The following TLK1 variants were observed in gnomAD, a reference collection of about 807,000 sequenced individuals.
The protein encoded by TLK1 is serine/threonine-protein kinase tousled-like 1.
In TLK1, 24 loss-of-function variants were observed where a neutral mutation model predicts 105.3. The ratio of observed to expected loss-of-function variants is 0.23; its 90% CI spans 0.17 to 0.32. The LOEUF is 0.32. Ranked by LOEUF, TLK1 falls within the 10% of genes least tolerant of loss-of-function variation. The probability of loss-of-function intolerance (pLI) is 1.00; values close to 1 mark genes in which losing one functional copy is unlikely to be tolerated. For missense variants in TLK1, 558 were observed against 910.5 expected (o/e 0.61, Z 4.98); for synonymous variants, 321 against 310.4 (o/e 1.03, Z -0.36).
intron 3 of TLK1, among the ~76,000 whole-genome samples, chr2:171,071,437 G>C (rs977537695): frequency 1.3e-5 from 2 of 152,014 alleles, no homozygotes; most frequent in Non-Finnish European, 2.9e-5. Context: ...ACAGGCACCT[G>C]CCACCATGTC....
chr2:171,202,658 G>A (rs1007537161), intron 1 of TLK1, among the ~76,000 whole-genome samples: 2 of 152,126 alleles, frequency 1.3e-5, no homozygotes, highest in African/African-American at 4.8e-5. Context: ...TTGGGAGGCT[G>A]AGGCAGGATA....
At position 171,160,239 on chromosome 2, in the gene TLK1, G is replaced by A; in HGVS notation, c.139+51C>T. 1 of 1,305,940 alleles carries A rather than the reference G, an allele frequency of 7.7e-7. No homozygotes were observed. The highest frequency in any genetic ancestry group is 3.1e-5 in the East Asian group (1 of 32,252). The allele number at this position is 1,305,940 out of a possible 1,614,324, so 80.9% of individuals were successfully genotyped here. On this transcript the variant is annotated intron_variant, in intron 1 of 20. Coordinates refer to ENST00000431350, the MANE Select transcript of TLK1 (RefSeq NM_012290.5). The surrounding 1 kb of genome is among the most constrained non-coding windows in gnomAD (Gnocchi z 4.4). Reference sequence around the variant, plus strand: ...GGGCGGGGGGGGGGCGCGGGGGTCCGCGGCGCGGGAGAGGAGGCCCGCGAG... The same window carrying A: ...GGGCGGGGGGGGGGCGCGGGGGTCCACGGCGCGGGAGAGGAGGCCCGCGAG...
At chr2:171,200,362 GCAA>G (rs1693374269) in intron 1 of TLK1, among the ~76,000 whole-genome samples, 1 of 152,132 alleles carries the variant, frequency 6.6e-6, no homozygotes, top group African/African-American at 2.4e-5. Flanking sequence ...TTTGGTCTGT[GCAA>G]CAACAATGGT....
chr2:171,145,435 C>A lies in TLK1; in HGVS notation c.139+14855G>T, dbSNP rs372300401. ...TGAAACCCTGTCTCTACTAAAAATA[C>A]AAAAATTAGCTGGGCATGGTGGCGG... On this transcript the variant is annotated intron_variant, in intron 1 of 20. Coordinates refer to ENST00000431350, the MANE Select transcript of TLK1 (RefSeq NM_012290.5). Among the ~76,000 whole-genome samples, 4 of 151,942 alleles carry A rather than the reference C, an allele frequency of 2.6e-5. 1 individual carries two copies. The highest frequency in any genetic ancestry group is 2.0e-4 in the Admixed American group (3 of 15,248).
chr2:171,047,770 G>C (rs1687028659), intron 10 of TLK1, among the ~76,000 whole-genome samples: 1 of 152,078 alleles, frequency 6.6e-6, no homozygotes, highest in South Asian at 2.1e-4. Flanking sequence ...ATTAATAGCT[G>C]ATTACTCAGG....
At chr2:171,193,557 C>T (rs1186550186) in intron 1 of TLK1, among the ~76,000 whole-genome samples, 2 of 151,614 alleles carry the variant, frequency 1.3e-5, no homozygotes, top group Admixed American at 6.6e-5. Flanking sequence ...CCACCACGCC[C>T]GGCTAATTTT....
intron 1 of TLK1, among the ~76,000 whole-genome samples, chr2:171,146,710 C>G (rs1421604727): frequency 6.6e-6 from 1 of 152,204 alleles, no homozygotes; most frequent in Admixed American, 6.5e-5. Context: ...AGCAGTTAAA[C>G]TGGAGGAAAA....
Position 171,036,392 on chromosome 2 carries a change from C to T in TLK1, c.1170-7987G>A, listed in dbSNP as rs555557400. ...ACCCAGAGCGAGACTCTGTCTCCCC[C>T]CCCAAAAAAAGCATAATTTCTAAAA... On this transcript the variant is annotated intron_variant, in intron 11 of 20. Transcript: ENST00000431350. 3.3e-5 allele frequency among the ~76,000 whole-genome samples: 5 copies of T among 151,946 alleles called. No individual in the cohort carries two copies. The East Asian group carries it at 7.7e-4, about 23-fold the overall frequency.
chr2:171,166,461 C>T (rs1692612083), intron 1 of TLK1, among the ~76,000 whole-genome samples: 1 of 152,264 alleles, frequency 6.6e-6, no homozygotes, highest in Non-Finnish European at 1.5e-5. Context: ...CCTTCACACT[C>T]ATCCTTCATT....
upstream of TLK1, among the ~76,000 whole-genome samples, chr2:171,164,253 A>C (rs1452815411): frequency 4.6e-5 from 7 of 152,246 alleles, no homozygotes; most frequent in Admixed American, 4.6e-4. Flanking sequence ...TATTTAAACA[A>C]ACTGCAGCTT....
intron 1 of TLK1, among the ~76,000 whole-genome samples, chr2:171,211,248 A>G (rs1693607318): frequency 6.6e-6 from 1 of 152,146 alleles, no homozygotes; most frequent in African/African-American, 2.4e-5. Context: ...TTAAACAAGC[A>G]TTGTTTTATT....
Position 171,160,524 on chromosome 2 carries a change from G to A in TLK1, c.-96C>T, listed in dbSNP as rs1008531096. On this transcript the variant is annotated 5_prime_UTR_variant, in exon 1 of 21. Transcript: ENST00000431350. The surrounding 1 kb of genome is among the most constrained non-coding windows in gnomAD (Gnocchi z 4.4). ...CCGTCATGGCGGGGGCCGCGCTGAG[G>A]GCGAGCGAGAGAGCGAGGGCTGGGA... is the stretch of plus-strand genomic sequence containing the variant. 6.4e-7 allele frequency: 1 copy of A among 1,557,160 alleles called. No homozygotes were observed. Among genetic ancestry groups the A allele is most frequent in the South Asian group, 1.2e-5 (1 of 85,110 alleles).
intron 19 of TLK1, among the ~76,000 whole-genome samples, chr2:170,997,436 T>A (rs1032850647): frequency 6.6e-6 from 1 of 152,046 alleles, no homozygotes; most frequent in Non-Finnish European, 1.5e-5. Context: ...AAGTATTGAC[T>A]CCAGTATTCC....
intron 3 of TLK1, among the ~76,000 whole-genome samples, chr2:171,064,332 C>A (rs1687892442): frequency 6.6e-6 from 1 of 152,114 alleles, no homozygotes; most frequent in African/African-American, 2.4e-5. Flanking sequence ...AACACAGCAT[C>A]TCCTATTTTA....
At chr2:171,194,673 C>T (rs370104851) in intron 1 of TLK1, among the ~76,000 whole-genome samples, 2 of 150,942 alleles carry the variant, frequency 1.3e-5, no homozygotes, top group African/African-American at 2.5e-5. Flanking sequence ...AAAAATTAGC[C>T]GGGCGTGGTA....
intron 1 of TLK1, chr2:171,159,721 CA>C (rs1407054873): frequency 6.6e-6 from 1 of 152,312 alleles, no homozygotes; most frequent in African/African-American, 2.4e-5. Flanking sequence ...TAGGGGGCCA[CA>C]CAGGGGATCA....
chr2:171,114,177 A>G (rs1690306202), intron 2 of TLK1, among the ~76,000 whole-genome samples: 1 of 152,106 alleles, frequency 6.6e-6, no homozygotes, highest in East Asian at 1.9e-4. Flanking sequence ...ATTCCCAACT[A>G]TACTAAAAAA....
chr2:171,192,666 T>C (rs113395782), intron 1 of TLK1, among the ~76,000 whole-genome samples: 16,481 of 151,638 alleles, frequency 0.11, 1,344 homozygotes, highest in African/African-American at 0.23. Context: ...GGTGACAGAG[T>C]GAGACTCCAT....
intron 10 of TLK1, among the ~76,000 whole-genome samples, chr2:171,047,754 A>C (rs1163535793): frequency 6.6e-6 from 1 of 152,162 alleles, no homozygotes; most frequent in Non-Finnish European, 1.5e-5. Context: ...AATTACTGGA[A>C]TAGATATTAA....
Sources: gnomAD v4.1 joint callset for allele counts (sites outside exome capture counted in the v4.1 genomes callset) on GRCh38, gnomAD v4.1.1 for gene constraint, Gnocchi (gnomAD v3.1) non-coding constraint, MANE v1.5 for transcripts, NCBI Gene and HGNC (gene_info 2026-07-23, HGNC 2026-07-21) for gene names.